EPHA5: variants seen among roughly 807,000 people sequenced by gnomAD.
The protein encoded by EPHA5 is ephrin type-A receptor 5.
Under a neutral mutation model 105.0 loss-of-function variants are expected in EPHA5, and 60 were observed. The ratio of observed to expected loss-of-function variants is 0.57; its 90% CI spans 0.46 to 0.71. EPHA5 has a LOEUF of 0.71. Among genes scored for constraint, EPHA5 ranks in the 30% least tolerant of loss-of-function variants. The probability of loss-of-function intolerance (pLI) is 0.00; values close to 1 mark genes in which losing one functional copy is unlikely to be tolerated. For synonymous variants in EPHA5, 513 were observed against 449.1 expected, an observed-to-expected ratio of 1.14 and a Z score of -1.80; for missense variants, 1,218 against 1,274.7, an observed-to-expected ratio of 0.96 and a Z score of 0.68.
At position 65,414,343 on chromosome 4, in the gene EPHA5, C is replaced by A. The variant is rs1254027522; in HGVS notation, c.1628G>T (p.Arg543Leu). 1 of 1,613,870 alleles carries A rather than the reference C, an allele frequency of 6.2e-7. No individual in the cohort carries two copies. Among genetic ancestry groups the A allele is most frequent in the Non-Finnish European group, 8.5e-7 (1 of 1,179,926 alleles). The change falls in exon 7 of 17, where the codon CGT (arginine) becomes CTT (leucine). Residue 543 changes from arginine to leucine, a missense_variant. Around this residue, in one of 3 missense-constraint regions of EPHA5, gnomAD observed 971 missense variants for 1,013.5 expected, o/e 0.96. Coordinates refer to ENST00000613740, the MANE Select transcript of EPHA5 (RefSeq NM_001281766.3). ...ASVYVFQIRA[R>L]TAAGYGVFSR... ...GAAGACACCATAGCCTGCTGCTGTACGTGCTCGAATTTGGAAGACATAAAC... is the reference window on the plus strand; with the variant it reads ...GAAGACACCATAGCCTGCTGCTGTAAGTGCTCGAATTTGGAAGACATAAAC...
rs369135938 is a variant in EPHA5 at position 65,418,479 on chromosome 4, C to T, written c.1527+1962G>A. On this transcript the variant is annotated intron_variant, in intron 6 of 16. Coordinates refer to ENST00000613740, the MANE Select transcript of EPHA5 (RefSeq NM_001281766.3). ...ATAAACAGTGTTAACCATATCCCAACATAACTTTGTCTCAGAGGTATTCTC... is the reference window on the plus strand; with the variant it reads ...ATAAACAGTGTTAACCATATCCCAATATAACTTTGTCTCAGAGGTATTCTC... Among the ~76,000 whole-genome samples the T allele has an allele frequency of 1.2e-4, 19 of 152,214 alleles. No homozygotes were observed. In the East Asian group the frequency reaches 1.4e-3, roughly 11 times the overall value.
At chr4:65,351,258 C>T in intron 13 of EPHA5, 131 bp downstream of exon 13, 19 of 736,296 alleles carry the variant, frequency 2.6e-5, no homozygotes, top group South Asian at 1.4e-4. Context: ...TTTCTCTCTC[C>T]CTCTCCCCCT....
chr4:65,361,378 T>C (rs976090949), intron 11 of EPHA5, among the ~76,000 whole-genome samples: 2 of 151,322 alleles, frequency 1.3e-5, no homozygotes, highest in East Asian at 3.9e-4. Context: ...AGAAAGAAAA[T>C]AGTGAAATAT....
At chr4:65,520,764 A>T (rs1734616260) in intron 3 of EPHA5, among the ~76,000 whole-genome samples, 1 of 152,140 alleles carries the variant, frequency 6.6e-6, no homozygotes, top group Non-Finnish European at 1.5e-5. Flanking sequence ...GCCAAAAGAC[A>T]TATGAAAAAA....
At chr4:65,513,375 T>C (rs1433162711) in intron 3 of EPHA5, among the ~76,000 whole-genome samples, 3 of 151,868 alleles carry the variant, frequency 2.0e-5, no homozygotes, top group South Asian at 2.1e-4. Context: ...AGATTTGGGG[T>C]TTTTTTGTTT....
At chr4:65,550,822 C>A (rs1198336819) in intron 3 of EPHA5, among the ~76,000 whole-genome samples, 1 of 151,936 alleles carries the variant, frequency 6.6e-6, no homozygotes, top group Non-Finnish European at 1.5e-5. Flanking sequence ...GGCGACAGAG[C>A]CAGACTCCTT....
intron 6 of EPHA5, among the ~76,000 whole-genome samples, chr4:65,416,067 A>G (rs1009392364): frequency 6.6e-6 from 1 of 152,064 alleles, no homozygotes; most frequent in African/African-American, 2.4e-5. Context: ...TCTGGCTATG[A>G]TTGCAGTAGT....
chr4:65,346,028 G>T (rs768872775), intron 14 of EPHA5, among the ~76,000 whole-genome samples: 1 of 151,104 alleles, frequency 6.6e-6, no homozygotes. Context: ...CTCCCAAAGT[G>T]CTGGGATTAC....
At chr4:65,598,356 C>T (rs1213759575) in intron 3 of EPHA5, among the ~76,000 whole-genome samples, 1 of 152,060 alleles carries the variant, frequency 6.6e-6, no homozygotes, top group Non-Finnish European at 1.5e-5. Flanking sequence ...AGAGATAATA[C>T]AAAGGTAAAA....
At chr4:65,560,994 T>G (rs1738951946) in intron 3 of EPHA5, among the ~76,000 whole-genome samples, 1 of 152,006 alleles carries the variant, frequency 6.6e-6, no homozygotes, top group Non-Finnish European at 1.5e-5. Context: ...TTGTCTAGAA[T>G]AAAAATCTCA....
chr4:65,621,940 G>T (rs1745739125), intron 2 of EPHA5, among the ~76,000 whole-genome samples: 1 of 152,102 alleles, frequency 6.6e-6, no homozygotes, highest in Non-Finnish European at 1.5e-5. Context: ...TGAACATTAA[G>T]ATCAGCACTC....
intron 3 of EPHA5, among the ~76,000 whole-genome samples, chr4:65,546,035 G>C (rs1737339027): frequency 6.6e-6 from 1 of 151,944 alleles, no homozygotes; most frequent in Non-Finnish European, 1.5e-5. Context: ...ATGGTACCTT[G>C]AAAATAGTAA....
rs181786401 is a variant in EPHA5 at position 65,608,929 on chromosome 4, C to T, written c.247-6625G>A. ...ACTATGCATAAAATATAAGGCCACTCGAGGTCATTTTAATGAACGAAAGAT... is the reference window on the plus strand; with the variant it reads ...ACTATGCATAAAATATAAGGCCACTTGAGGTCATTTTAATGAACGAAAGAT... On this transcript the variant is annotated intron_variant, in intron 2 of 16. Coordinates refer to ENST00000613740, the MANE Select transcript of EPHA5 (RefSeq NM_001281766.3). 7.2e-4 allele frequency among the ~76,000 whole-genome samples: 109 copies of T among 152,136 alleles called. No individual in the cohort carries two copies. The East Asian group carries it at 0.019, about 26-fold the overall frequency.
At chr4:65,492,245 G>A (rs907029649) in intron 4 of EPHA5, among the ~76,000 whole-genome samples, 2 of 151,796 alleles carry the variant, frequency 1.3e-5, no homozygotes, top group Non-Finnish European at 2.9e-5. Context: ...TCTGTCGCCC[G>A]GGCTGAAATG....
chr4:65,470,555 T>C (rs943437133), intron 5 of EPHA5, among the ~76,000 whole-genome samples: 3 of 152,200 alleles, frequency 2.0e-5, no homozygotes, highest in African/African-American at 7.2e-5. Context: ...AATAACCATG[T>C]ACATGAATAC....
intron 5 of EPHA5, among the ~76,000 whole-genome samples, chr4:65,439,671 T>A (rs1438314976): frequency 6.6e-6 from 1 of 152,172 alleles, no homozygotes; most frequent in Non-Finnish European, 1.5e-5. Flanking sequence ...TTAATTTGTC[T>A]TCTTAGGAGT....
intron 8 of EPHA5, chr4:65,377,019 A>C: frequency 6.2e-7 from 1 of 1,609,314 alleles, no homozygotes; most frequent in Non-Finnish European, 8.5e-7. Context: ...TGGATGGGCA[A>C]CAGCGCACAG....
intron 14 of EPHA5, among the ~76,000 whole-genome samples, chr4:65,347,758 T>C (rs1443844274): frequency 6.6e-6 from 1 of 152,166 alleles, no homozygotes; most frequent in Non-Finnish European, 1.5e-5. Flanking sequence ...GATGGCTCTT[T>C]CTTTATCTTT....
intron 3 of EPHA5, chr4:65,573,769 C>A: frequency 6.2e-7 from 1 of 1,612,648 alleles, no homozygotes; most frequent in Non-Finnish European, 8.5e-7. Flanking sequence ...AACGGCGGTA[C>A]CCGGGTGGTT....
Sources: gnomAD v4.1 joint callset for allele counts (sites outside exome capture counted in the v4.1 genomes callset) on GRCh38, gnomAD v4.1.1 for gene constraint, gnomAD v4.1.1 regional missense constraint, MANE v1.5 for transcripts, NCBI Gene and HGNC (gene_info 2026-07-23, HGNC 2026-07-21) for gene names.